Variants in TFCP2 observed in about 807,000 individuals in gnomAD.
TFCP2 encodes alpha-globin transcription factor CP2.
TFCP2 carries 33 observed loss-of-function variants against 73.4 expected under a neutral mutation model. The observed-to-expected ratio is 0.45, with a 90% CI of 0.34 to 0.60. The LOEUF (loss-of-function observed/expected upper bound fraction) is 0.60, where lower values mean the gene tolerates loss of function less well. TFCP2 is among the 20% of genes least tolerant of loss of function. The probability of loss-of-function intolerance (pLI) is 0.01; values close to 1 mark genes in which losing one functional copy is unlikely to be tolerated. For missense variants in TFCP2, 352 were observed against 604.0 expected, an observed-to-expected ratio of 0.58 and a Z score of 4.37; for synonymous variants, 193 against 211.6, an observed-to-expected ratio of 0.91 and a Z score of 0.76.
chr12:51,121,601 G>A (rs577189278), intron 1 of TFCP2, among the ~76,000 whole-genome samples: 74 of 151,190 alleles, frequency 4.9e-4, no homozygotes, highest in African/African-American at 1.7e-3. Flanking sequence ...AAGTAGCTGG[G>A]ACTACATGCA....
intron 7 of TFCP2, 193 bp downstream of exon 7, chr12:51,107,043 G>C (rs1316711249): frequency 1.3e-5 from 8 of 616,848 alleles, no homozygotes; most frequent in Non-Finnish European, 2.3e-5. Context: ...AAGATAACTT[G>C]GACACAGAGA....
intron 1 of TFCP2, among the ~76,000 whole-genome samples, chr12:51,121,662 C>T (rs1422610406): frequency 2.6e-5 from 4 of 151,618 alleles, no homozygotes; most frequent in Non-Finnish European, 5.9e-5. Context: ...GACGAGGTCT[C>T]ACCATGTTGG....
chr12:51,103,472 T>G (rs184058399), intron 10 of TFCP2, among the ~76,000 whole-genome samples, 198 bp downstream of exon 10: 4 of 152,322 alleles, frequency 2.6e-5, no homozygotes, highest in African/African-American at 9.6e-5. Flanking sequence ...TAAAAAGTGT[T>G]TGTTTTTAAG....
chr12:51,164,529 G>A (rs1348388919), intron 1 of TFCP2, among the ~76,000 whole-genome samples: 8 of 151,120 alleles, frequency 5.3e-5, no homozygotes, highest in Non-Finnish European at 1.0e-4. Flanking sequence ...CCTGGGAGGT[G>A]GAGGTTGCAG....
chr12:51,125,872 C>A (rs566228379), intron 1 of TFCP2, among the ~76,000 whole-genome samples: 1 of 151,276 alleles, frequency 6.6e-6, no homozygotes, highest in East Asian at 1.9e-4. Flanking sequence ...CTAAGATGGG[C>A]GGATCATGAG....
chr12:51,125,207 G>T, intron 1 of TFCP2: 1 of 642,242 alleles, frequency 1.6e-6, no homozygotes, highest in South Asian at 1.5e-5. Flanking sequence ...GTGGAGAAAG[G>T]CAAAGATAAT....
chr12:51,133,504 C>A (rs1391114966), intron 1 of TFCP2, among the ~76,000 whole-genome samples: 3 of 152,114 alleles, frequency 2.0e-5, no homozygotes, highest in Non-Finnish European at 2.9e-5. Flanking sequence ...TGAGGCCTTG[C>A]GATGCTGCCC....
intron 9 of TFCP2, 40 bp from the exon 10 acceptor site, chr12:51,103,803 T>G (rs1244997634): frequency 1.3e-6 from 2 of 1,529,268 alleles, no homozygotes; most frequent in Admixed American, 1.7e-5. Context: ...CCAAATAGAT[T>G]TGTCTGTTAC....
chr12:51,095,138 C>T lies in TFCP2; in HGVS notation c.*103G>A, dbSNP rs1939922511. The stretch of plus-strand genomic sequence containing the variant: ...CTCCTCCACACACAGTCAGACGAGT[C>T]AGGTTCTTGCAGACCTTCAAATCTC... On this transcript the variant is annotated 3_prime_UTR_variant, in exon 15 of 15. Transcript: ENST00000257915. 4 of 1,297,632 alleles carry T rather than the reference C, an allele frequency of 3.1e-6. No homozygotes were observed. Among genetic ancestry groups the T allele is most frequent in the Non-Finnish European group, 4.5e-6 (4 of 892,656 alleles). The allele number at this position is 1,297,632 out of a possible 1,614,324, so 80.4% of individuals were successfully genotyped here.
At chr12:51,114,529 C>T (rs1395263991) in intron 4 of TFCP2, among the ~76,000 whole-genome samples, 2 of 151,744 alleles carry the variant, frequency 1.3e-5, no homozygotes, top group Non-Finnish European at 2.9e-5. Flanking sequence ...CGCTTGAACC[C>T]GGGAGGTGGA....
chr12:51,124,795 T>TCTGCTGCTCAGCCTTTTC (rs1254336251), intron 1 of TFCP2: 2 of 889,540 alleles, frequency 2.2e-6, no homozygotes, highest in African/African-American at 3.3e-5. Context: ...TCAGCCTTTT[T>TCTGCTGCTCAGCCTTTTC]CTGCTGCTCA....
chr12:51,159,395 T>C (rs993124993), intron 1 of TFCP2, among the ~76,000 whole-genome samples: 2 of 151,410 alleles, frequency 1.3e-5, no homozygotes, highest in Admixed American at 1.3e-4. Context: ...TGGAGTGCAA[T>C]GGCGTGATCT....
At chr12:51,155,841 A>G (rs1941523892) in intron 1 of TFCP2, among the ~76,000 whole-genome samples, 1 of 152,228 alleles carries the variant, frequency 6.6e-6, no homozygotes, top group African/African-American at 2.4e-5. Flanking sequence ...CAGGAGTTTG[A>G]GACCAGCCTG....
chr12:51,157,842 T>A (rs554062793), intron 1 of TFCP2, among the ~76,000 whole-genome samples: 1 of 151,636 alleles, frequency 6.6e-6, no homozygotes, highest in Admixed American at 6.6e-5. Flanking sequence ...AGGCGTGTAC[T>A]AATTTTTGTA....
intron 5 of TFCP2, among the ~76,000 whole-genome samples, chr12:51,110,062 C>T (rs1940360636): frequency 6.6e-6 from 1 of 151,994 alleles, no homozygotes; most frequent in African/African-American, 2.4e-5. Context: ...GACTACTCCA[C>T]AAGATTATAG....
intron 1 of TFCP2, among the ~76,000 whole-genome samples, chr12:51,132,692 G>A (rs960734278): frequency 3.3e-5 from 5 of 151,910 alleles, no homozygotes; most frequent in African/African-American, 1.2e-4. Flanking sequence ...AAGAAGTATC[G>A]CTAGCTTTTA....
intron 14 of TFCP2, among the ~76,000 whole-genome samples, chr12:51,095,557 G>A (rs145939438): frequency 0.016 from 2,450 of 152,226 alleles, 66 homozygotes; most frequent in African/African-American, 0.055. Flanking sequence ...GCTCATGTCT[G>A]TAATCCCAGC....
intron 8 of TFCP2, among the ~76,000 whole-genome samples, chr12:51,106,264 A>C (rs1023305762): frequency 3.3e-5 from 5 of 152,180 alleles, no homozygotes; most frequent in African/African-American, 1.2e-4. Flanking sequence ...ACCACTAAAA[A>C]TTGACCATAA....
chr12:51,147,534 G>GA (rs1442651199), intron 1 of TFCP2, among the ~76,000 whole-genome samples: 1 of 151,700 alleles, frequency 6.6e-6, no homozygotes, highest in African/African-American at 2.4e-5. Flanking sequence ...AGAGGTGGGG[G>GA]GGGAAAGAGA....
Sources: gnomAD v4.1 joint callset for allele counts (sites outside exome capture counted in the v4.1 genomes callset) on GRCh38, gnomAD v4.1.1 for gene constraint, MANE v1.5 for transcripts, NCBI Gene and HGNC (gene_info 2026-07-23, HGNC 2026-07-21) for gene names.